ATP10B: variants seen among roughly 807,000 people sequenced by gnomAD.
ATP10B encodes the protein ATPase phospholipid transporting 10B (putative).
In ATP10B, 122 loss-of-function variants were observed where a neutral mutation model predicts 141.2. The observed-to-expected ratio is 0.86, with a 90% CI of 0.75 to 1.00. The LOEUF is 1.00. ATP10B is among the 50% of genes least tolerant of loss of function. ATP10B has a pLI of 0.00. For missense variants in ATP10B, 1,876 were observed against 1,825.3 expected (o/e 1.03, Z -0.51); for synonymous variants, 685 against 692.0 (o/e 0.99, Z 0.16).
intron 1 of ATP10B, among the ~76,000 whole-genome samples, chr5:160,805,950 T>TA (rs766702354): frequency 3.9e-5 from 6 of 152,170 alleles, no homozygotes; most frequent in Non-Finnish European, 8.8e-5. Context: ...TTCCAAGCCC[T>TA]AAGGCCTCAG....
intron 18 of ATP10B, 100 bp downstream of exon 18, chr5:160,612,641 C>T: frequency 9.2e-7 from 1 of 1,082,248 alleles, no homozygotes; most frequent in Non-Finnish European, 1.3e-6. Flanking sequence ...GGGTGCTTCC[C>T]TGGTGTACCC....
At position 160,620,895 on chromosome 5, in the gene ATP10B, T is replaced by C; in HGVS notation, c.1868A>G (p.Gln623Arg). The change falls in exon 15 of 26, where the codon CAG becomes CGG. Residue 623 changes from glutamine (Q) to arginine (R), a missense_variant. Coordinates refer to ENST00000327245, the MANE Select transcript of ATP10B (RefSeq NM_025153.3). ...CAATAGCTTCAACTTCTGGAAGAGCTGCTGAATCTTCTCCAGGGACGTCCC... is the reference window on the plus strand; with the variant it reads ...CAATAGCTTCAACTTCTGGAAGAGCCGCTGAATCTTCTCCAGGGACGTCCC... ...ALGTSLEKIQQLFQKLKLLSL... is the reference protein window; with the variant it reads ...ALGTSLEKIQRLFQKLKLLSL... 1 of 1,614,190 alleles carries C rather than the reference T, an allele frequency of 6.2e-7. No individual in the cohort carries two copies. The highest frequency in any genetic ancestry group is 8.5e-7 in the Non-Finnish European group (1 of 1,180,032).
chr5:160,781,741 C>G (rs1172518388), intron 2 of ATP10B, among the ~76,000 whole-genome samples: 4 of 152,018 alleles, frequency 2.6e-5, no homozygotes, highest in African/African-American at 4.8e-5. Context: ...AAGTTTATTC[C>G]TACTTTAATT....
chr5:160,766,014 T>C (rs1298521000), intron 2 of ATP10B, among the ~76,000 whole-genome samples: 1 of 152,054 alleles, frequency 6.6e-6, no homozygotes, highest in East Asian at 1.9e-4. Flanking sequence ...GATACCTCGT[T>C]ACCCCGGAAA....
chr5:160,886,479 T>C, the ATP10B span, among the ~76,000 whole-genome samples: 14 of 152,104 alleles, frequency 9.2e-5, no homozygotes, highest in African/African-American at 3.1e-4. Flanking sequence ...TGAGGGGAAG[T>C]AACAGGGAAA....
intron 1 of ATP10B, among the ~76,000 whole-genome samples, chr5:160,809,186 T>C (rs1362787066): frequency 6.6e-6 from 1 of 152,240 alleles, no homozygotes; most frequent in African/African-American, 2.4e-5. Context: ...AGTTGTTCTC[T>C]GTAGCTTGTT....
chr5:160,692,756 T>C (rs1764142747), intron 3 of ATP10B: 1 of 152,216 alleles, frequency 6.6e-6, no homozygotes, highest in South Asian at 2.1e-4. Context: ...CTTTGACCAA[T>C]CAACAATCTT....
the ATP10B span, among the ~76,000 whole-genome samples, chr5:160,859,551 C>G: frequency 6.6e-6 from 1 of 151,542 alleles, no homozygotes; most frequent in Non-Finnish European, 1.5e-5. Context: ...TAAGTCTGTT[C>G]TAATCCCAGT....
intron 1 of ATP10B, among the ~76,000 whole-genome samples, chr5:160,806,212 C>G (rs536289486): frequency 1.3e-5 from 2 of 152,298 alleles, no homozygotes; most frequent in African/African-American, 4.8e-5. Flanking sequence ...AACCGGATAC[C>G]TGGGCATCCT....
chr5:160,766,817 A>G (rs530671690), intron 2 of ATP10B, among the ~76,000 whole-genome samples: 9 of 152,250 alleles, frequency 5.9e-5, no homozygotes, highest in Admixed American at 3.9e-4. Context: ...TTAGCTTTAG[A>G]AAAAAAATAT....
chr5:160,793,864 AC>A (rs1305273232), intron 1 of ATP10B, among the ~76,000 whole-genome samples: 4 of 152,222 alleles, frequency 2.6e-5, no homozygotes, highest in Non-Finnish European at 5.9e-5. Flanking sequence ...ATACACAAAT[AC>A]CATTGTCTTA....
intron 13 of ATP10B, 56 bp downstream of exon 13, chr5:160,632,072 AC>A (rs1758972079): frequency 6.7e-7 from 1 of 1,490,852 alleles, no homozygotes; most frequent in African/African-American, 1.4e-5. Flanking sequence ...ATTCCAGAGC[AC>A]CCTCCCTCTC....
chr5:160,835,565 G>A (rs1457907593), intron 1 of ATP10B, among the ~76,000 whole-genome samples: 14 of 152,074 alleles, frequency 9.2e-5, no homozygotes, highest in Admixed American at 8.5e-4. Context: ...CTCACCTCAG[G>A]GGTTAAGGAT....
Position 160,653,220 on chromosome 5 carries a change from T to C in ATP10B, c.676-3964A>G, listed in dbSNP as rs1241018591. 2.9e-5 allele frequency among the ~76,000 whole-genome samples: 4 copies of C among 136,286 alleles called. No homozygotes were observed. The Admixed American group carries it at 3.4e-4, about 12-fold the overall frequency. 89.4% of individuals were successfully genotyped at this position (136,286 alleles called of 152,430 possible). ...TATATTATATACTATATATCATATA[T>C]ACATACAAATATGTAGTATATATAC... is the stretch of plus-strand genomic sequence containing the variant. On this transcript the variant is annotated intron_variant, in intron 7 of 25. Transcript: ENST00000327245.
At chr5:160,926,066 G>A in the ATP10B span, among the ~76,000 whole-genome samples, 1 of 152,116 alleles carries the variant, frequency 6.6e-6, no homozygotes, top group Non-Finnish European at 1.5e-5. Flanking sequence ...TTCTAATCTG[G>A]GTTCTATCAC....
the ATP10B span, among the ~76,000 whole-genome samples, chr5:160,873,964 G>A: frequency 1.4e-4 from 22 of 152,240 alleles, no homozygotes; most frequent in East Asian, 1.2e-3. Flanking sequence ...GGGGAGGGGC[G>A]CCTGCCATTG....
chr5:160,915,225 T>G, the ATP10B span, among the ~76,000 whole-genome samples: 1 of 152,132 alleles, frequency 6.6e-6, no homozygotes, highest in Non-Finnish European at 1.5e-5. Flanking sequence ...TTGAAGGTTG[T>G]GCCATAGGGG....
At chr5:160,918,561 T>C in the ATP10B span, among the ~76,000 whole-genome samples, 1 of 152,344 alleles carries the variant, frequency 6.6e-6, no homozygotes, top group East Asian at 1.9e-4. Flanking sequence ...TACACATACC[T>C]GCACACACAC....
In ATP10B at chr5:160,565,252, G is replaced by A. The variant is rs1334725662; in HGVS notation, c.*201C>T. The A allele has an allele frequency of 1.7e-6, 1 of 594,142 alleles. No individual in the cohort carries two copies. The highest frequency in any genetic ancestry group is 2.8e-5 in the East Asian group (1 of 35,524). 36.8% of individuals were successfully genotyped at this position (594,142 alleles called of 1,614,324 possible). On this transcript the variant is annotated 3_prime_UTR_variant, in exon 26 of 26. Transcript: ENST00000327245. ...TTGCAAGATGTGCTGCCTGAGAGCA[G>A]CAGAAAACTAGAGGCCGACTGGGTT...
Sources: allele counts gnomAD v4.1 joint callset (sites outside exome capture counted in the v4.1 genomes callset), GRCh38; gene constraint gnomAD v4.1.1; transcripts MANE v1.5; gene names NCBI Gene and HGNC (gene_info 2026-07-23, HGNC 2026-07-21).